The following STRIP1 variants were observed in gnomAD, a reference collection of about 807,000 sequenced individuals.
The protein encoded by STRIP1 is striatin-interacting protein 1.
Under a neutral mutation model 106.2 loss-of-function variants are expected in STRIP1, and 63 were observed. That is an observed-to-expected ratio of 0.59 (90% confidence interval 0.48 to 0.73). The LOEUF is 0.73. Ranked by LOEUF, STRIP1 falls within the 30% of genes least tolerant of loss-of-function variation. STRIP1 has a pLI of 0.00. For missense variants in STRIP1, 857 were observed against 1,074.8 expected, an observed-to-expected ratio of 0.80 and a Z score of 2.83; for synonymous variants, 390 against 413.0, an observed-to-expected ratio of 0.94 and a Z score of 0.67.
At chr1:110,032,325 C>A (rs1211881333), upstream of STRIP1, among the ~76,000 whole-genome samples, 1 of 152,114 alleles carries the variant, frequency 6.6e-6, no homozygotes, top group Non-Finnish European at 1.5e-5. Flanking sequence ...TAATTTACAA[C>A]AAAGACTTTT....
rs1553194694 is a variant in STRIP1, at chr1:110,049,445, T to TC, written c.1789-13dup. The TC allele has an allele frequency of 1.4e-5, 21 of 1,533,814 alleles. No individual in the cohort carries two copies. In the Middle Eastern group the frequency reaches 5.4e-4, roughly 40 times the overall value. ...CCGCGCCTTTTTTTTTTTTTTTTTTTCCTGTTGGCTTCAGTTTGAATACAT... is the reference window on the plus strand; with the variant it reads ...CCGCGCCTTTTTTTTTTTTTTTTTTTCCCTGTTGGCTTCAGTTTGAATACAT... On this transcript the variant is annotated splice_polypyrimidine_tract_variant and intron_variant, in intron 16 of 20. Transcript: ENST00000369795.
intron 10 of STRIP1, 24 bp from the exon 11 acceptor site, chr1:110,044,816 C>T (rs752112352): frequency 6.3e-7 from 1 of 1,583,394 alleles, no homozygotes; most frequent in East Asian, 2.2e-5. Context: ...TTTTTTCTTT[C>T]TCTCTTTTTT....
In STRIP1 at chr1:110,050,324, G is replaced by T; in HGVS notation, c.1890-19G>T. 1 of 1,613,990 alleles carries T rather than the reference G, an allele frequency of 6.2e-7. No individual in the cohort carries two copies. The highest frequency in any genetic ancestry group is 8.5e-7 in the Non-Finnish European group (1 of 1,179,856). ...GGCCTTTGCTCATGGTGGGCATCTG[G>T]TTCCTCTCCCCTCTGCAGCATTTCT... On this transcript the variant is annotated intron_variant, in intron 17 of 20. Transcript: ENST00000369795.
Position 110,037,816 on chromosome 1 carries a change from C to T in STRIP1, c.181-75C>T, listed in dbSNP as rs6662134. On this transcript the variant is annotated intron_variant, in intron 1 of 20. Coordinates refer to ENST00000369795, the MANE Select transcript of STRIP1 (RefSeq NM_033088.4). ...GAGGCAGTGGTGTCCTGTAACACAA[C>T]AGCATCTCGAAGCATGAGTTTCTTT... 2.7e-3 allele frequency: 2,794 copies of T among 1,047,148 alleles called. 64 individuals are homozygous for T. The African/African-American group carries it at 0.04, about 15-fold the overall frequency. The allele number at this position is 1,047,148 out of a possible 1,614,324, so 64.9% of individuals were successfully genotyped here.
rs138141155 is a variant in STRIP1, at chr1:110,045,691, T to A, written c.1416+613T>A. On this transcript the variant is annotated intron_variant, in intron 12 of 20. Transcript: ENST00000369795. Reference sequence around the variant, plus strand: ...ACAGCAGTAGTGTCCTAATACGTTGTTCCAGAATTAGGCAGAGTTACCTAC... The same window carrying A: ...ACAGCAGTAGTGTCCTAATACGTTGATCCAGAATTAGGCAGAGTTACCTAC... 7.9e-5 allele frequency among the ~76,000 whole-genome samples: 12 copies of A among 152,264 alleles called. No individual in the cohort carries two copies. In the East Asian group the frequency reaches 2.3e-3, roughly 29 times the overall value.
rs781165742 is a variant in STRIP1, at chr1:110,041,771, G to C, written c.795G>C (p.Met265Ile). The C allele has an allele frequency of 1.9e-6, 3 of 1,614,132 alleles. No homozygotes were observed. Among genetic ancestry groups the C allele is most frequent in the Non-Finnish European group, 2.5e-6 (3 of 1,180,020 alleles). Residue 265 changes from methionine to isoleucine, a missense_variant, in exon 8 of 21, where the codon ATG becomes ATC. Transcript: ENST00000369795. The part of the protein sequence containing the change: ...PLYNNEPFAI[M>I]LFGMVTKFCS... ...ACAACAATGAGCCATTTGCCATCAT[G>C]CTGTTTGGGATGGTGACCAAATTTT...
At position 110,043,096 on chromosome 1, in the gene STRIP1, A is replaced by G; in HGVS notation, c.894A>G (p.Leu298=). 6.2e-7 allele frequency: 1 copy of G among 1,612,172 alleles called. No individual in the cohort carries two copies. The highest frequency in any genetic ancestry group is 8.5e-7 in the Non-Finnish European group (1 of 1,179,264). ...CCCTGTCTGTGATGCAGTGCACGCT[A>G]GGCGGCTTTGAGGAGCTGCAGAGCA... ...LLLWKTVLCT[L]GGFEELQSMK... The change falls in exon 9 of 21, where the codon CTA becomes CTG. Residue 298 remains leucine, a synonymous_variant. Transcript: ENST00000369795.
At chr1:110,035,063 C>A (rs117748227) in intron 1 of STRIP1, among the ~76,000 whole-genome samples, 1 of 152,214 alleles carries the variant, frequency 6.6e-6, no homozygotes, top group Non-Finnish European at 1.5e-5. Flanking sequence ...CTGGTTTGCT[C>A]CCCTGGGCCC....
chr1:110,052,758 C>T (rs1209359210), intron 20 of STRIP1, among the ~76,000 whole-genome samples: 1 of 152,176 alleles, frequency 6.6e-6, no homozygotes, highest in African/African-American at 2.4e-5. Flanking sequence ...GCATGATCCA[C>T]TGTGCCCAGC....
intron 20 of STRIP1, among the ~76,000 whole-genome samples, chr1:110,052,578 T>TC (rs1310576991): frequency 6.6e-6 from 1 of 151,846 alleles, no homozygotes; most frequent in African/African-American, 2.4e-5. Context: ...TAAGCGATTC[T>TC]CCCCCCTCAG....
chr1:110,034,674 G>A lies in STRIP1; in HGVS notation c.37G>A (p.Val13Met). The A allele has an allele frequency of 1.3e-6, 2 of 1,524,502 alleles. No homozygotes were observed. The highest frequency in any genetic ancestry group is 1.8e-6 in the Non-Finnish European group (2 of 1,136,950). The allele number at this position is 1,524,502 out of a possible 1,614,324, so 94.4% of individuals were successfully genotyped here. ...AGTCGGCGGTCCGGGCCCACTGATC[G>A]TGAACAACAAACAGCCCCAGCCCCC... ...PAVGGPGPLI[V>M]NNKQPQPPPP... The change falls in exon 1 of 21, where the codon GTG becomes ATG. Residue 13 changes from valine (V) to methionine (M), a missense_variant. By Grantham distance (21) the Val-to-Met change is conservative (BLOSUM62 1). This residue lies in a region of STRIP1 where 107 missense variants were observed against 85.1 expected (regional missense o/e 1.26). Coordinates refer to ENST00000369795, the MANE Select transcript of STRIP1 (RefSeq NM_033088.4).
chr1:110,036,330 G>GT (rs1048430909), intron 1 of STRIP1, among the ~76,000 whole-genome samples: 5 of 152,264 alleles, frequency 3.3e-5, no homozygotes, highest in African/African-American at 1.2e-4. Flanking sequence ...GCTGGTGCCT[G>GT]TAATCCCAGC....
intron 1 of STRIP1, among the ~76,000 whole-genome samples, chr1:110,035,468 A>AC (rs1196877545): frequency 5.1e-4 from 78 of 152,164 alleles, no homozygotes; most frequent in Admixed American, 3.9e-3. Flanking sequence ...TGAGAAATAG[A>AC]CATTTTAAGC....
chr1:110,035,171 G>T (rs966352648), intron 1 of STRIP1, among the ~76,000 whole-genome samples: 22 of 152,152 alleles, frequency 1.4e-4, no homozygotes, highest in African/African-American at 5.1e-4. Flanking sequence ...ACTCCAGGGC[G>T]CTGGGCTGCC....
At chr1:110,040,467 C>A (rs1652704590) in intron 5 of STRIP1, among the ~76,000 whole-genome samples, 168 bp from the exon 6 acceptor site, 1 of 152,248 alleles carries the variant, frequency 6.6e-6, no homozygotes, top group South Asian at 2.1e-4. Flanking sequence ...CAGGCATGAG[C>A]CACCATGCCC....
chr1:110,042,762 C>T (rs751683166), intron 8 of STRIP1: 1 of 235,300 alleles, frequency 4.2e-6, no homozygotes, highest in Non-Finnish European at 8.2e-6. Flanking sequence ...AAACATGAGT[C>T]TCACCAACTT....
At chr1:110,050,546 CTG>C in intron 18 of STRIP1, 137 bp downstream of exon 18, 1 of 818,928 alleles carries the variant, frequency 1.2e-6, no homozygotes, top group Non-Finnish European at 2.0e-6. Context: ...TTTTAAAGCA[CTG>C]TAAGTGTACA....
intron 10 of STRIP1, 60 bp from the exon 11 acceptor site, chr1:110,044,780 C>A: frequency 6.5e-7 from 1 of 1,543,366 alleles, no homozygotes; most frequent in Non-Finnish European, 8.9e-7. Flanking sequence ...AACTGTAACA[C>A]TTTGAAATAG....
chr1:110,048,313 CAG>C (rs1653128065), intron 15 of STRIP1: 1 of 198,724 alleles, frequency 5.0e-6, no homozygotes. Context: ...GCAAATGTCT[CAG>C]GGCGATAGAG....
Sources: gnomAD v4.1 joint callset for allele counts (sites outside exome capture counted in the v4.1 genomes callset) on GRCh38, gnomAD v4.1.1 for gene constraint, gnomAD v4.1.1 regional missense constraint, MANE v1.5 for transcripts, NCBI Gene and HGNC (gene_info 2026-07-23, HGNC 2026-07-21) for gene names.